The following DAB1 variants were observed in gnomAD, a reference collection of about 807,000 sequenced individuals.
DAB1 encodes DAB adaptor protein 1.
Under a neutral mutation model 64.6 loss-of-function variants are expected in DAB1, and 15 were observed. The ratio of observed to expected loss-of-function variants is 0.23; its 90% CI spans 0.16 to 0.36. The LOEUF (loss-of-function observed/expected upper bound fraction) is 0.36, where lower values mean the gene tolerates loss of function less well. Among genes scored for constraint, DAB1 ranks in the 10% least tolerant of loss-of-function variants. The probability of loss-of-function intolerance (pLI) is 1.00; values close to 1 mark genes in which losing one functional copy is unlikely to be tolerated. For missense variants in DAB1, 596 were observed against 706.7 expected, an observed-to-expected ratio of 0.84 and a Z score of 1.78; for synonymous variants, 235 against 251.9, an observed-to-expected ratio of 0.93 and a Z score of 0.64.
intron 3 of DAB1, among the ~76,000 whole-genome samples, chr1:58,374,431 T>C (rs1183945948): frequency 8.4e-4 from 126 of 150,226 alleles, no homozygotes; most frequent in Middle Eastern, 3.4e-3. Context: ...ATTTATTAAA[T>C]AGGGAATCCT....
At chr1:57,095,829 G>C (rs1357662921) in intron 4 of DAB1, among the ~76,000 whole-genome samples, 1 of 152,170 alleles carries the variant, frequency 6.6e-6, no homozygotes, top group Admixed American at 6.5e-5. Flanking sequence ...TTTAGGACTT[G>C]ATGTATTAGG....
intron 2 of DAB1, among the ~76,000 whole-genome samples, chr1:57,266,321 T>G (rs1670587791): frequency 6.6e-6 from 1 of 152,232 alleles, no homozygotes; most frequent in African/African-American, 2.4e-5. Flanking sequence ...GTCTCATTTC[T>G]ACTGCTCCCC....
chr1:58,070,817 C>T (rs1331692682), intron 5 of DAB1, among the ~76,000 whole-genome samples: 1 of 152,104 alleles, frequency 6.6e-6, no homozygotes, highest in African/African-American at 2.4e-5. Context: ...GGGTCTCTGG[C>T]CTGTGTGACC....
chr1:57,658,728 A>G (rs1646348141), intron 6 of DAB1, among the ~76,000 whole-genome samples: 1 of 151,876 alleles, frequency 6.6e-6, no homozygotes, highest in Non-Finnish European at 1.5e-5. Flanking sequence ...ACGCCCAGCT[A>G]ATTTTCTTTC....
intron 4 of DAB1, among the ~76,000 whole-genome samples, chr1:58,321,786 C>A (rs908264786): frequency 6.6e-6 from 1 of 152,274 alleles, no homozygotes; most frequent in Admixed American, 6.5e-5. Context: ...GAGCCCACTG[C>A]AGCTCTGCAA....
At chr1:57,288,837 C>A (rs935963608) in intron 2 of DAB1, among the ~76,000 whole-genome samples, 2 of 152,056 alleles carry the variant, frequency 1.3e-5, no homozygotes, top group African/African-American at 2.4e-5. Flanking sequence ...TCACAGCTAA[C>A]CTTTGTTAAG....
chr1:58,042,219 G>A (rs1435263948), intron 5 of DAB1, among the ~76,000 whole-genome samples: 1 of 152,194 alleles, frequency 6.6e-6, no homozygotes, highest in African/African-American at 2.4e-5. Flanking sequence ...CTTATCTGTG[G>A]AAGCAAGTTC....
intron 3 of DAB1, among the ~76,000 whole-genome samples, chr1:58,430,510 G>A (rs1569772181): frequency 1.3e-5 from 2 of 152,256 alleles, no homozygotes; most frequent in South Asian, 4.2e-4. Flanking sequence ...ACTCTGTGGC[G>A]CCAGAAGTGC....
intron 1 of DAB1, among the ~76,000 whole-genome samples, chr1:57,399,096 T>A (rs974275854): frequency 4.3e-5 from 6 of 141,014 alleles, no homozygotes; most frequent in Admixed American, 1.4e-4. Flanking sequence ...GTTGAGGAAC[T>A]TTTTTTTTCT....
At chr1:57,838,505 T>C (rs1326873507) in intron 1 of DAB1, among the ~76,000 whole-genome samples, 1 of 152,108 alleles carries the variant, frequency 6.6e-6, no homozygotes, top group Non-Finnish European at 1.5e-5. Context: ...TATAGAAATA[T>C]ATTCTTCCAA....
At chr1:58,029,517 G>A (rs1437263842) in intron 5 of DAB1, among the ~76,000 whole-genome samples, 4 of 152,144 alleles carry the variant, frequency 2.6e-5, no homozygotes, top group Non-Finnish European at 5.9e-5. Context: ...AAAGGGGAGG[G>A]GGCTGGGAGC....
intron 1 of DAB1, among the ~76,000 whole-genome samples, chr1:57,311,136 C>T (rs114058401): frequency 1.6e-4 from 24 of 152,246 alleles, no homozygotes; most frequent in South Asian, 4.1e-4. Context: ...CCCAAGAAAA[C>T]GACAGCTGTT....
chr1:57,171,274 CAA>C (rs1158457845), intron 2 of DAB1, among the ~76,000 whole-genome samples: 1 of 152,116 alleles, frequency 6.6e-6, no homozygotes, highest in Non-Finnish European at 1.5e-5. Flanking sequence ...TCACAAACCC[CAA>C]AGGAATACTA....
intron 2 of DAB1, among the ~76,000 whole-genome samples, chr1:57,205,535 T>C (rs1665467198): frequency 6.6e-6 from 1 of 152,198 alleles, no homozygotes. Context: ...CAGCTTTACT[T>C]ACTTGAAAAT....
intron 6 of DAB1, among the ~76,000 whole-genome samples, chr1:57,714,284 C>G (rs1030604551): frequency 3.9e-5 from 6 of 152,016 alleles, no homozygotes; most frequent in African/African-American, 7.2e-5. Context: ...GTATCTTAAC[C>G]AATGTCACAT....
chr1:57,988,911 A>G (rs1476578861), intron 5 of DAB1, among the ~76,000 whole-genome samples: 1 of 152,188 alleles, frequency 6.6e-6, no homozygotes, highest in Non-Finnish European at 1.5e-5. Flanking sequence ...ATCCTAGGCC[A>G]GACCTCAACA....
intron 5 of DAB1, among the ~76,000 whole-genome samples, chr1:57,962,036 G>C (rs1166898181): frequency 6.6e-6 from 1 of 151,816 alleles, no homozygotes; most frequent in African/African-American, 2.4e-5. Flanking sequence ...TAAATTAAGA[G>C]AGTGGCGATC....
chr1:57,697,818 A>C (rs1646862902), intron 6 of DAB1, among the ~76,000 whole-genome samples: 1 of 152,128 alleles, frequency 6.6e-6, no homozygotes, highest in African/African-American at 2.4e-5. Context: ...TTCTTTCAAA[A>C]ACACAAATTT....
At chr1:57,898,460 TTTA>T (rs991245288) in intron 5 of DAB1, among the ~76,000 whole-genome samples, 6 of 152,216 alleles carry the variant, frequency 3.9e-5, no homozygotes, top group Non-Finnish European at 7.4e-5. Flanking sequence ...AGTTGAAATT[TTTA>T]TTGAGATAAT....
Sources: allele counts gnomAD v4.1 joint callset (sites outside exome capture counted in the v4.1 genomes callset), GRCh38; gene constraint gnomAD v4.1.1; transcripts MANE v1.5; gene names NCBI Gene and HGNC (gene_info 2026-07-23, HGNC 2026-07-21).